Variants in TBPL1 observed in about 807,000 individuals in gnomAD.
The protein encoded by TBPL1 is TATA-box binding protein like 1.
In TBPL1, 4 loss-of-function variants were observed where a neutral mutation model predicts 22.1. The ratio of observed to expected loss-of-function variants is 0.18; its 90% CI spans 0.09 to 0.41. The LOEUF is 0.41. Ranked by LOEUF, TBPL1 falls within the 10% of genes least tolerant of loss-of-function variation. The pLI is 1.00. For missense variants in TBPL1, 115 were observed against 222.3 expected (o/e 0.52, Z 3.07); for synonymous variants, 64 against 71.0 (o/e 0.90, Z 0.50).
At chr6:133,966,561 A>G (rs1224340912) in intron 1 of TBPL1, among the ~76,000 whole-genome samples, 1 of 152,126 alleles carries the variant, frequency 6.6e-6, no homozygotes, top group African/African-American at 2.4e-5. Flanking sequence ...ACTGCTCCGT[A>G]TCTCCTCTTG....
chr6:133,956,380 T>A (rs902348868), intron 1 of TBPL1, among the ~76,000 whole-genome samples: 5 of 152,228 alleles, frequency 3.3e-5, no homozygotes, highest in Non-Finnish European at 7.3e-5. Context: ...GTATTTCCCT[T>A]CAGGTGCTTT....
chr6:133,984,324 T>C, intron 4 of TBPL1, 52 bp from the exon 5 acceptor site: 3 of 1,405,794 alleles, frequency 2.1e-6, no homozygotes, highest in Non-Finnish European at 2.9e-6. Flanking sequence ...GAGCAGATTT[T>C]TTGTTTGTTT....
chr6:133,955,363 T>C lies in TBPL1; in HGVS notation c.-45+1938T>C, dbSNP rs117217781. Among the ~76,000 whole-genome samples the C allele has an allele frequency of 5.0e-3, 757 of 151,970 alleles. 2 individuals carry two copies. The highest frequency in any genetic ancestry group is 7.4e-3 in the Non-Finnish European group (505 of 67,974). On this transcript the variant is annotated intron_variant, in intron 1 of 6. Transcript: ENST00000237264. ...AATACTCCCAACTTTGGTGGTAGTT[T>C]AGTTACTGTCTTTTCTTAATCATGT...
At chr6:133,969,251 CTTTT>C (rs536421364) in intron 1 of TBPL1, among the ~76,000 whole-genome samples, 1 of 122,608 alleles carries the variant, frequency 8.2e-6, no homozygotes, top group African/African-American at 3.1e-5. Context: ...ATAAAATACA[CTTTT>C]TTTTTTTTTT....
At chr6:133,953,200 T>C (rs1056547202), upstream of TBPL1, 3 of 152,708 alleles carry the variant, frequency 2.0e-5, no homozygotes, top group African/African-American at 7.2e-5. Flanking sequence ...AGTCTATTTA[T>C]TGTCGCGGGG....
rs1775870943 is a variant in TBPL1, at chr6:133,953,352, C to T, written c.-118C>T. The stretch of plus-strand genomic sequence containing the variant: ...TCTCATCCTCATCCTTGTCCTCCAG[C>T]TTCTCCTTCGCATCCGACGCAACCG... On this transcript the variant is annotated 5_prime_UTR_variant, in exon 1 of 7. Transcript: ENST00000237264. The T allele has an allele frequency of 6.5e-6, 1 of 153,036 alleles. No individual in the cohort carries two copies. Among genetic ancestry groups the T allele is most frequent in the Non-Finnish European group, 1.5e-5 (1 of 68,368 alleles). The allele number at this position is 153,036 out of a possible 1,614,324, so 9.5% of individuals were successfully genotyped here.
chr6:133,970,275 C>T (rs1251416908), intron 1 of TBPL1, among the ~76,000 whole-genome samples: 10 of 152,164 alleles, frequency 6.6e-5, no homozygotes, highest in Non-Finnish European at 1.5e-5. Context: ...CTCACACCAT[C>T]GTACTTTGCT....
At chr6:133,975,666 A>G (rs1338706920) in intron 1 of TBPL1, among the ~76,000 whole-genome samples, 1 of 152,222 alleles carries the variant, frequency 6.6e-6, no homozygotes, top group Admixed American at 6.5e-5. Context: ...AGATTCATCA[A>G]TAATCTTTTA....
intron 1 of TBPL1, among the ~76,000 whole-genome samples, chr6:133,954,701 G>A (rs1316212264): frequency 6.6e-6 from 1 of 152,152 alleles, no homozygotes; most frequent in East Asian, 1.9e-4. Context: ...GGAGCAATTA[G>A]GTCAACCACA....
At chr6:133,964,985 T>C (rs1241723371) in intron 1 of TBPL1, among the ~76,000 whole-genome samples, 1 of 152,210 alleles carries the variant, frequency 6.6e-6, no homozygotes, top group African/African-American at 2.4e-5. Context: ...TGCTTCAAGT[T>C]TGAGCCCTGC....
rs757801265 is a variant in TBPL1, at chr6:133,980,130, A to C, written c.5A>C (p.Asp2Ala). Residue 2 changes from aspartate to alanine, a missense_variant, in exon 2 of 7, where the codon GAT becomes GCT. By Grantham distance (126) the Asp-to-Ala change is moderately radical. Transcript: ENST00000237264. ...CTAAATTTTAAAACCACCCCAATGG[A>C]TGCAGACAGTGATGTTGCATTGGAC... M[D>A]ADSDVALDIL... is the part of the protein sequence containing the mutation. 1 of 1,551,072 alleles carries C rather than the reference A, an allele frequency of 6.4e-7. No individual in the cohort carries two copies. Among genetic ancestry groups the C allele is most frequent in the Non-Finnish European group, 8.7e-7 (1 of 1,150,262 alleles).
At chr6:133,979,953 A>G (rs1284909705) in intron 1 of TBPL1, 129 bp from the exon 2 acceptor site, 14 of 729,218 alleles carry the variant, frequency 1.9e-5, no homozygotes, top group Non-Finnish European at 2.7e-5. Context: ...GGCCAGGGAC[A>G]TGATTTGATT....
chr6:133,978,288 A>G (rs1776349538), intron 1 of TBPL1, among the ~76,000 whole-genome samples: 1 of 152,220 alleles, frequency 6.6e-6, no homozygotes, highest in African/African-American at 2.4e-5. Flanking sequence ...TACTGTTACA[A>G]TATCCTAGAT....
At chr6:133,964,055 A>G (rs1259007962) in intron 1 of TBPL1, among the ~76,000 whole-genome samples, 7 of 151,922 alleles carry the variant, frequency 4.6e-5, no homozygotes, top group African/African-American at 1.5e-4. Flanking sequence ...AAAAGAACCA[A>G]TGTTCCAATC....
intron 1 of TBPL1, among the ~76,000 whole-genome samples, chr6:133,963,011 T>G (rs541428905): frequency 4.6e-5 from 7 of 152,326 alleles, no homozygotes; most frequent in Non-Finnish European, 7.3e-5. Flanking sequence ...TCCCAGTGCT[T>G]TATGCTCTAG....
At chr6:133,956,724 A>T (rs1775933416) in intron 1 of TBPL1, among the ~76,000 whole-genome samples, 4 of 152,212 alleles carry the variant, frequency 2.6e-5, no homozygotes, top group Admixed American at 6.5e-5. Context: ...TCAACTTTGT[A>T]TTCTGGCTGT....
At chr6:133,976,019 C>T (rs1031620676) in intron 1 of TBPL1, among the ~76,000 whole-genome samples, 1 of 152,002 alleles carries the variant, frequency 6.6e-6, no homozygotes, top group East Asian at 1.9e-4. Context: ...AACACATTCC[C>T]CTTGGAATCT....
At chr6:133,954,912 G>T (rs1775900960) in intron 1 of TBPL1, among the ~76,000 whole-genome samples, 1 of 152,154 alleles carries the variant, frequency 6.6e-6, no homozygotes, top group Admixed American at 6.5e-5. Flanking sequence ...TTCAACTCAG[G>T]CGTTTTCATC....
upstream of TBPL1, chr6:133,952,707 C>A (rs752863105): frequency 1.3e-5 from 2 of 151,916 alleles, no homozygotes; most frequent in African/African-American, 2.4e-5. This position sits in a 1 kb window ranked among gnomAD's most constrained non-coding sequence, Gnocchi z 4.5. Flanking sequence ...TTTTTTCAGG[C>A]AGAAAACAAG....
Sources: gnomAD v4.1 joint callset for allele counts (sites outside exome capture counted in the v4.1 genomes callset) on GRCh38, gnomAD v4.1.1 for gene constraint, Gnocchi (gnomAD v3.1) non-coding constraint, MANE v1.5 for transcripts, NCBI Gene and HGNC (gene_info 2026-07-23, HGNC 2026-07-21) for gene names.